ZPLD1: variants seen among roughly 807,000 people sequenced by gnomAD.
The protein encoded by ZPLD1 is zona pellucida-like domain-containing protein 1.
A neutral mutation model predicts 47.2 loss-of-function variants in ZPLD1; 34 were observed. The observed-to-expected ratio is 0.72, with a 90% CI of 0.55 to 0.96. The LOEUF (loss-of-function observed/expected upper bound fraction) is 0.96. ZPLD1 is among the 40% of genes least tolerant of loss of function. The probability of loss-of-function intolerance (pLI) is 0.00; values close to 1 mark genes in which losing one functional copy is unlikely to be tolerated. For missense variants in ZPLD1, 512 were observed against 505.8 expected (o/e 1.01, Z -0.12); for synonymous variants, 176 against 186.2 (o/e 0.95, Z 0.45).
chr3:102,402,189 CT>C (rs1454262307), intron 7 of ZPLD1, among the ~76,000 whole-genome samples: 1 of 151,938 alleles, frequency 6.6e-6, no homozygotes, highest in African/African-American at 2.4e-5. Context: ...TTGAAATGCT[CT>C]TTTTTAGTTT....
intron 9 of ZPLD1, 115 bp from the exon 10 acceptor site, chr3:102,470,279 A>G: frequency 1.4e-6 from 1 of 731,336 alleles, no homozygotes; most frequent in Non-Finnish European, 2.3e-6. Context: ...CACGGAAGGA[A>G]ATGAATAAAA....
At chr3:102,418,784 TTTTC>T (rs1706841712) in intron 8 of ZPLD1, among the ~76,000 whole-genome samples, 1 of 152,042 alleles carries the variant, frequency 6.6e-6, no homozygotes, top group South Asian at 2.1e-4. Context: ...TATGGTGTGA[TTTTC>T]TTTTAAATAA....
At chr3:102,461,927 T>C (rs76453302) in intron 6 of ZPLD1, among the ~76,000 whole-genome samples, 3,228 of 152,148 alleles carry the variant, frequency 0.021, 116 homozygotes, top group African/African-American at 0.074. Context: ...TCTAATATAA[T>C]CAAATAAATG....
chr3:102,428,769 A>G (rs1444833163), intron 8 of ZPLD1, among the ~76,000 whole-genome samples: 4 of 151,390 alleles, frequency 2.6e-5, no homozygotes, highest in Non-Finnish European at 3.0e-5. Context: ...ATATATGTAT[A>G]TAAAACCTTG....
At chr3:102,439,916 G>C (rs1480074166) in intron 3 of ZPLD1, among the ~76,000 whole-genome samples, 1 of 152,096 alleles carries the variant, frequency 6.6e-6, no homozygotes, top group East Asian at 1.9e-4. Context: ...TTTTATAACA[G>C]TTCTCCTCTG....
intron 3 of ZPLD1, among the ~76,000 whole-genome samples, 167 bp downstream of exon 3, chr3:102,438,760 C>T (rs920492646): frequency 1.3e-5 from 2 of 152,018 alleles, no homozygotes; most frequent in Admixed American, 6.6e-5. Flanking sequence ...TAATTTATAT[C>T]CATATTAACA....
chr3:102,452,023 C>G (rs978834320), intron 3 of ZPLD1, among the ~76,000 whole-genome samples: 5 of 151,918 alleles, frequency 3.3e-5, no homozygotes, highest in African/African-American at 4.8e-5. Flanking sequence ...TAATCTACCA[C>G]TAGGGAATTA....
intron 10 of ZPLD1, among the ~76,000 whole-genome samples, chr3:102,473,551 C>G (rs1707715551): frequency 6.6e-6 from 1 of 152,094 alleles, no homozygotes; most frequent in Non-Finnish European, 1.5e-5. Flanking sequence ...CTTTCAGGGT[C>G]CCCTTGAATC....
In ZPLD1 at chr3:102,477,638, T is replaced by G. The variant is rs1485037527; in HGVS notation, c.*20T>G. 6.3e-7 allele frequency: 1 copy of G among 1,588,290 alleles called. No homozygotes were observed. The highest frequency in any genetic ancestry group is 1.4e-5 in the African/African-American group (1 of 73,388). On this transcript the variant is annotated 3_prime_UTR_variant, in exon 12 of 12. Transcript: ENST00000466937. ...GACTGACTATAACAGATTCCTGCTC[T>G]CTGGAGAAGGCTTCACTGACTAAAC...
intron 3 of ZPLD1, 50 bp from the exon 4 acceptor site, chr3:102,452,869 T>C (rs1707358206): frequency 1.3e-6 from 2 of 1,587,316 alleles, no homozygotes; most frequent in Non-Finnish European, 1.7e-6. Flanking sequence ...ATGTTATTTA[T>C]CTTTCTGCTT....
At position 102,457,805 on chromosome 3, in the gene ZPLD1, A is replaced by G; in HGVS notation, c.534A>G (p.Arg178=). 1 of 1,613,968 alleles carries G rather than the reference A, an allele frequency of 6.2e-7. No individual in the cohort carries two copies. The highest frequency in any genetic ancestry group is 8.5e-7 in the Non-Finnish European group (1 of 1,179,940). The part of the protein sequence containing the change: ...LASSSAAISV[R]ENNGTFVSTL... ...GGTCCTCAGCGGCTATTTCTGTGAGAGAGAACAATGGCACATTTGTCAGCA... is the reference window on the plus strand; with the variant it reads ...GGTCCTCAGCGGCTATTTCTGTGAGGGAGAACAATGGCACATTTGTCAGCA... Residue 178 remains arginine, a synonymous_variant, in exon 6 of 12, where the codon AGA becomes AGG. Transcript: ENST00000466937.
At chr3:102,412,327 T>A (rs1323945756) in intron 7 of ZPLD1, among the ~76,000 whole-genome samples, 6 of 151,846 alleles carry the variant, frequency 4.0e-5, no homozygotes, top group Middle Eastern at 3.4e-3. Context: ...AGGCATAGGA[T>A]CTGGAATACT....
At chr3:102,439,919 C>T (rs1014485139) in intron 3 of ZPLD1, among the ~76,000 whole-genome samples, 3 of 152,040 alleles carry the variant, frequency 2.0e-5, no homozygotes, top group African/African-American at 7.2e-5. Context: ...TATAACAGTT[C>T]TCCTCTGTCC....
intron 7 of ZPLD1, among the ~76,000 whole-genome samples, chr3:102,393,121 T>C (rs1262014934): frequency 6.6e-6 from 1 of 152,194 alleles, no homozygotes; most frequent in African/African-American, 2.4e-5. Flanking sequence ...GTTGTAATTA[T>C]ATATTGGAAC....
At chr3:102,465,464 C>A (rs2013942) in intron 8 of ZPLD1, among the ~76,000 whole-genome samples, 21,903 of 152,030 alleles carry the variant, frequency 0.14, 1,647 homozygotes, top group Middle Eastern at 0.21. Context: ...GAAAAGGAAC[C>A]TAATATATAA....
intron 8 of ZPLD1, among the ~76,000 whole-genome samples, chr3:102,466,882 A>G (rs1707601559): frequency 6.6e-6 from 1 of 152,080 alleles, no homozygotes; most frequent in African/African-American, 2.4e-5. Context: ...TGTCCCCCCA[A>G]AAGCCAAAAT....
intron 7 of ZPLD1, among the ~76,000 whole-genome samples, chr3:102,408,726 A>G (rs1243011472): frequency 6.6e-6 from 1 of 151,812 alleles, no homozygotes; most frequent in Non-Finnish European, 1.5e-5. Flanking sequence ...AACACTGTTC[A>G]TATCTTAGTC....
At chr3:102,396,169 A>G (rs1294394660) in intron 7 of ZPLD1, among the ~76,000 whole-genome samples, 1 of 152,160 alleles carries the variant, frequency 6.6e-6, no homozygotes, top group African/African-American at 2.4e-5. Context: ...AGTCCATCGC[A>G]ATGCATGAAT....
At chr3:102,396,421 A>G (rs1035598209) in intron 7 of ZPLD1, among the ~76,000 whole-genome samples, 1 of 152,140 alleles carries the variant, frequency 6.6e-6, no homozygotes, top group Non-Finnish European at 1.5e-5. Context: ...GTTAATGAAC[A>G]AACACCTTTC....
Sources: gnomAD v4.1 joint callset for allele counts (sites outside exome capture counted in the v4.1 genomes callset) on GRCh38, gnomAD v4.1.1 for gene constraint, MANE v1.5 for transcripts, NCBI Gene and HGNC (gene_info 2026-07-23, HGNC 2026-07-21) for gene names.